Variants in MEIG1 observed in about 807,000 individuals in gnomAD.
MEIG1 encodes the protein meiosis expressed gene 1 protein homolog.
In MEIG1, 12 loss-of-function variants were observed where a neutral mutation model predicts 11.3. The observed-to-expected ratio is 1.07, with a 90% confidence interval of 0.68 to 1.73. The LOEUF (loss-of-function observed/expected upper bound fraction) is 1.73, where lower values mean the gene tolerates loss of function less well. MEIG1 is among the 40% of genes most tolerant of loss of function. The pLI, the probability that MEIG1 is intolerant of heterozygous loss-of-function variation, is 0.00. For synonymous variants in MEIG1, 41 were observed against 33.2 expected (o/e 1.24, Z -0.81); for missense variants, 119 against 104.9 (o/e 1.13, Z -0.59).
At chr10:14,974,244 A>G (rs557167307), downstream of MEIG1, among the ~76,000 whole-genome samples, 38 of 152,132 alleles carry the variant, frequency 2.5e-4, no homozygotes, top group African/African-American at 7.7e-4. Context: ...GCTGGTGCAT[A>G]TTCCTCTAGC....
chr10:14,968,254 G>C (rs576474165), intron 2 of MEIG1, among the ~76,000 whole-genome samples: 1 of 152,152 alleles, frequency 6.6e-6, no homozygotes, highest in African/African-American at 2.4e-5. Context: ...TTGGGAGGCC[G>C]AGGTAGGCAG....
At chr10:14,975,465 A>G (rs1462478957), downstream of MEIG1, among the ~76,000 whole-genome samples, 5 of 152,070 alleles carry the variant, frequency 3.3e-5, no homozygotes, top group Admixed American at 6.6e-5. Context: ...TGGAGAGGTT[A>G]ATATTACTCC....
At chr10:14,956,376 C>A (rs937605557), upstream of MEIG1, among the ~76,000 whole-genome samples, 1 of 150,740 alleles carries the variant, frequency 6.6e-6, no homozygotes, top group Admixed American at 6.6e-5. Context: ...GTCAGGAGTT[C>A]GAGACCAGCC....
intron 1 of MEIG1, among the ~76,000 whole-genome samples, chr10:14,961,037 T>TAATA (rs947339228): frequency 2.6e-5 from 4 of 152,006 alleles, no homozygotes; most frequent in East Asian, 2.0e-4. Context: ...CTCAAAAAAA[T>TAATA]AATAAATAAA....
At chr10:14,957,815 C>A (rs1842967049), upstream of MEIG1, among the ~76,000 whole-genome samples, 1 of 152,012 alleles carries the variant, frequency 6.6e-6, no homozygotes, top group Non-Finnish European at 1.5e-5. Context: ...CCAGCTAGTT[C>A]TTTTGTATTT....
chr10:14,981,807 C>T (rs1843268149), intron 1 of MEIG1, among the ~76,000 whole-genome samples: 1 of 152,346 alleles, frequency 6.6e-6, no homozygotes, highest in African/African-American at 2.4e-5. Flanking sequence ...ACTGCAAACT[C>T]TGACAGCCAA....
rs182157616 is a variant in MEIG1, at chr10:14,986,445, C to T, written n.67-351C>T. 2.0e-5 allele frequency among the ~76,000 whole-genome samples: 3 copies of T among 152,310 alleles called. No homozygotes were observed. In the East Asian group the frequency reaches 5.8e-4, roughly 29 times the overall value. On this transcript the variant is annotated intron_variant and non_coding_transcript_variant, in intron 1 of 2. Coordinates refer to the MEIG1 transcript ENST00000467536. ...ACCATCTGGAATTGTGCAAGAAATT[C>T]TTGTGAAGTAAAATTTTCATACTGT...
chr10:14,976,787 T>A (rs376684306), downstream of MEIG1, among the ~76,000 whole-genome samples: 6 of 152,202 alleles, frequency 3.9e-5, no homozygotes, highest in East Asian at 7.7e-4. Context: ...TTTCATATTC[T>A]TCATAATATT....
intron 1 of MEIG1, among the ~76,000 whole-genome samples, chr10:14,982,758 T>G (rs780751876): frequency 2.6e-5 from 4 of 152,106 alleles, no homozygotes; most frequent in Non-Finnish European, 4.4e-5. Flanking sequence ...TACTAATAAT[T>G]ATCAATATTA....
At chr10:14,970,813 T>C (rs1422736771) in intron 2 of MEIG1, among the ~76,000 whole-genome samples, 1 of 152,144 alleles carries the variant, frequency 6.6e-6, no homozygotes, top group African/African-American at 2.4e-5. Flanking sequence ...GGACTACCTG[T>C]ATAGAAGGTG....
At chr10:14,971,219 A>AATG (rs1843145703) in intron 2 of MEIG1, among the ~76,000 whole-genome samples, 1 of 148,290 alleles carries the variant, frequency 6.7e-6, no homozygotes. Context: ...TAATAATGAT[A>AATG]ATAATAATAA....
chr10:14,960,147 A>G (rs1842995729), intron 1 of MEIG1, among the ~76,000 whole-genome samples: 3 of 152,172 alleles, frequency 2.0e-5, no homozygotes, highest in Non-Finnish European at 4.4e-5. Flanking sequence ...AAGTTAGGAA[A>G]CAGGCGCAGG....
intron 1 of MEIG1, among the ~76,000 whole-genome samples, chr10:14,981,702 C>A (rs1024739384): frequency 2.0e-5 from 3 of 152,138 alleles, no homozygotes; most frequent in African/African-American, 7.2e-5. Flanking sequence ...CCTCCTAGTC[C>A]AGGGCCTCCT....
At chr10:14,985,193 C>T (rs183356563) in intron 1 of MEIG1, among the ~76,000 whole-genome samples, 12 of 151,998 alleles carry the variant, frequency 7.9e-5, no homozygotes, top group Non-Finnish European at 1.5e-4. Context: ...TCATAAATCA[C>T]TGGGGCCGTA....
At chr10:14,980,083 A>G (rs1589214943) in intron 1 of MEIG1, among the ~76,000 whole-genome samples, 1 of 151,856 alleles carries the variant, frequency 6.6e-6, no homozygotes, top group African/African-American at 2.4e-5. Context: ...CTAGCTGGAT[A>G]TTGTTACTAG....
At chr10:14,987,639 C>T in intron 2 of MEIG1, 1 of 478,386 alleles carries the variant, frequency 2.1e-6, no homozygotes, top group Non-Finnish European at 3.8e-6. Flanking sequence ...CTATACGAGG[C>T]TTTCTGTACA....
chr10:14,957,117 A>G (rs1264514451), upstream of MEIG1, among the ~76,000 whole-genome samples: 2 of 152,230 alleles, frequency 1.3e-5, no homozygotes, highest in Admixed American at 1.3e-4. Context: ...CTTCTAATGC[A>G]AGTAATTACT....
chr10:14,955,995 C>A (rs567593317), upstream of MEIG1, among the ~76,000 whole-genome samples: 1 of 152,162 alleles, frequency 6.6e-6, no homozygotes, highest in East Asian at 1.9e-4. Flanking sequence ...AAGAATCTCA[C>A]GGTAGAGCTC....
At chr10:14,973,276 G>C (rs1843172794), downstream of MEIG1, among the ~76,000 whole-genome samples, 1 of 152,136 alleles carries the variant, frequency 6.6e-6, no homozygotes, top group African/African-American at 2.4e-5. Flanking sequence ...TAGTCTTAGT[G>C]CTCCACCTAT....
Sources: allele counts gnomAD v4.1 joint callset (sites outside exome capture counted in the v4.1 genomes callset), GRCh38; gene constraint gnomAD v4.1.1; transcripts MANE v1.5; gene names NCBI Gene and HGNC (gene_info 2026-07-23, HGNC 2026-07-21).